ARK2N: variants seen among roughly 807,000 people sequenced by gnomAD.
The protein encoded by ARK2N is arkadia (RNF111) N-terminal like PKA signaling regulator 2N, also known as protein ARK2N.
the ARK2N span, among the ~76,000 whole-genome samples, chr18:46,204,871 C>G: frequency 1.3e-5 from 2 of 151,528 alleles, no homozygotes; most frequent in Admixed American, 6.6e-5. Flanking sequence ...TTAGGAAGGA[C>G]GATACAGTTT....
chr18:46,190,553 A>G, the ARK2N span, among the ~76,000 whole-genome samples: 2 of 152,040 alleles, frequency 1.3e-5, no homozygotes, highest in Non-Finnish European at 2.9e-5. Flanking sequence ...GTGGTAAAAC[A>G]TTCATCATTT....
At chr18:46,266,934 G>C in the ARK2N span, 6 of 150,868 alleles carry the variant, frequency 4.0e-5, no homozygotes, top group African/African-American at 1.5e-4. Flanking sequence ...AAATAAGTCT[G>C]TAGCATAAAG....
At chr18:46,257,995 C>T in the ARK2N span, among the ~76,000 whole-genome samples, 12 of 151,022 alleles carry the variant, frequency 7.9e-5, no homozygotes, top group Middle Eastern at 3.4e-3. Flanking sequence ...GACACGATTT[C>T]GGCTCACTGC....
chr18:46,221,069 G>A, the ARK2N span, among the ~76,000 whole-genome samples: 6 of 152,216 alleles, frequency 3.9e-5, no homozygotes, highest in Non-Finnish European at 8.8e-5. Context: ...CCAGGAGGCA[G>A]AGGCTGTAGT....
the ARK2N span, among the ~76,000 whole-genome samples, chr18:46,254,072 T>C: frequency 6.6e-6 from 1 of 152,254 alleles, no homozygotes; most frequent in African/African-American, 2.4e-5. Context: ...CTGATGTTTT[T>C]TTCTTTTAAG....
chr18:46,240,088 G>A, the ARK2N span: 1 of 1,614,196 alleles, frequency 6.2e-7, no homozygotes, highest in East Asian at 2.2e-5. Context: ...TTTATTGGCG[G>A]CTGCAGTAGT....
At chr18:46,209,308 T>TTA in the ARK2N span, among the ~76,000 whole-genome samples, 11 of 149,106 alleles carry the variant, frequency 7.4e-5, no homozygotes, top group African/African-American at 2.8e-4. Flanking sequence ...TTTTTTTTTT[T>TTA]ACAAACCCCC....
At chr18:46,200,007 G>A in the ARK2N span, among the ~76,000 whole-genome samples, 1 of 151,918 alleles carries the variant, frequency 6.6e-6, no homozygotes, top group Non-Finnish European at 1.5e-5. Flanking sequence ...TCTCACCTGC[G>A]GCCCTGTGGA....
the ARK2N span, among the ~76,000 whole-genome samples, chr18:46,177,411 GTTCT>G: frequency 9.1e-4 from 122 of 134,192 alleles, no homozygotes; most frequent in South Asian, 8.9e-3. Flanking sequence ...TTGTTCGTTT[GTTCT>G]TTCTTTTTTT....
At chr18:46,212,137 A>G in the ARK2N span, among the ~76,000 whole-genome samples, 1 of 152,212 alleles carries the variant, frequency 6.6e-6, no homozygotes, top group African/African-American at 2.4e-5. Flanking sequence ...AAATTCCACT[A>G]TAGGAAGAAA....
the ARK2N span, among the ~76,000 whole-genome samples, chr18:46,226,806 CTTTTTTT>C: frequency 5.2e-5 from 7 of 133,988 alleles, no homozygotes; most frequent in African/African-American, 1.9e-4. Context: ...ACTGGATTTA[CTTTTTTT>C]TTTTTTTTTT....
chr18:46,265,560 G>C, the ARK2N span: 1 of 152,218 alleles, frequency 6.6e-6, no homozygotes, highest in African/African-American at 2.4e-5. Context: ...GGACCAGAAC[G>C]GAGATTTGGA....
chr18:46,225,677 G>T, the ARK2N span, among the ~76,000 whole-genome samples: 1 of 152,060 alleles, frequency 6.6e-6, no homozygotes. Context: ...GGTCAAGCTG[G>T]TCTCGAACTC....
the ARK2N span, chr18:46,266,418 A>G: frequency 6.6e-6 from 1 of 152,628 alleles, no homozygotes; most frequent in African/African-American, 2.4e-5. Flanking sequence ...ACTTCCTCAG[A>G]TTGTGCACTG....
chr18:46,197,905 T>C, the ARK2N span, among the ~76,000 whole-genome samples: 1 of 152,292 alleles, frequency 6.6e-6, no homozygotes, highest in South Asian at 2.1e-4. Flanking sequence ...TATGCCGTTA[T>C]GGGTATTTTC....
chr18:46,242,696 A>G, the ARK2N span, among the ~76,000 whole-genome samples: 2 of 152,224 alleles, frequency 1.3e-5, no homozygotes, highest in Non-Finnish European at 2.9e-5. Context: ...TTTTAAAACT[A>G]ATTGGTATCA....
the ARK2N span, among the ~76,000 whole-genome samples, chr18:46,246,874 G>A: frequency 4.6e-5 from 7 of 150,844 alleles, no homozygotes; most frequent in Non-Finnish European, 8.8e-5. Flanking sequence ...CCGGGAGGTG[G>A]AGGTTGCAGT....
At chr18:46,175,748 G>A in the ARK2N span, among the ~76,000 whole-genome samples, 23 of 152,142 alleles carry the variant, frequency 1.5e-4, no homozygotes, top group African/African-American at 5.3e-4. Flanking sequence ...TGATCTGCCC[G>A]CCTTGGCTTC....
the ARK2N span, chr18:46,232,425 CAT>C: frequency 6.6e-6 from 1 of 152,120 alleles, no homozygotes; most frequent in African/African-American, 2.4e-5. Context: ...TGGAATGCCA[CAT>C]GTCAGAAAAT....
Sources: gnomAD v4.1 joint callset for allele counts (sites outside exome capture counted in the v4.1 genomes callset) on GRCh38, gnomAD v4.1.1 for gene constraint, MANE v1.5 for transcripts, NCBI Gene and HGNC (gene_info 2026-07-23, HGNC 2026-07-21) for gene names.